NCBP3: variants seen among roughly 807,000 people sequenced by gnomAD.
NCBP3 encodes the protein nuclear cap-binding protein subunit 3.
Under a neutral mutation model 75.7 loss-of-function variants are expected in NCBP3, and 20 were observed. That is an observed-to-expected ratio of 0.26 (90% CI 0.19 to 0.38). NCBP3 has a LOEUF of 0.38. Ranked by LOEUF, NCBP3 falls within the 10% of genes least tolerant of loss-of-function variation. The pLI is 1.00. For synonymous variants in NCBP3, 293 were observed against 290.5 expected, an observed-to-expected ratio of 1.01 and a Z score of -0.09; for missense variants, 678 against 796.9, an observed-to-expected ratio of 0.85 and a Z score of 1.80.
intron 2 of NCBP3, among the ~76,000 whole-genome samples, chr17:3,842,540 T>C (rs1045508717): frequency 1.2e-4 from 19 of 152,326 alleles, no homozygotes; most frequent in South Asian, 8.3e-4. Flanking sequence ...TCCCCCGTCT[T>C]GGACATTTTC....
chr17:3,826,119 C>G lies in NCBP3; in HGVS notation c.578G>C (p.Ser193Thr), dbSNP rs775156033. ...AQDKIRSRDA[S>T]EDKSAEKRKK... ...CCTTTTCTCAGCTGACTTGTCCTCACTGGCATCCCTGCTTCTGATCTTATC... is the reference window on the plus strand; with the variant it reads ...CCTTTTCTCAGCTGACTTGTCCTCAGTGGCATCCCTGCTTCTGATCTTATC... Residue 193 changes from serine (S) to threonine (T), a missense_variant, in exon 5 of 13, where the codon AGT becomes ACT. Ser to Thr is a moderately conservative substitution (Grantham distance 58). This residue lies in a region of NCBP3 where 98 missense variants were observed against 101.8 expected (regional missense o/e 0.96). Coordinates refer to ENST00000389005, the MANE Select transcript of NCBP3 (RefSeq NM_001114118.3). 4 of 1,551,516 alleles carry G rather than the reference C, an allele frequency of 2.6e-6. No individual in the cohort carries two copies. The African/African-American group carries it at 4.1e-5, about 16-fold the overall frequency.
At chr17:3,821,382 CA>C in intron 8 of NCBP3, 30 bp from the exon 9 acceptor site, 2 of 1,544,804 alleles carry the variant, frequency 1.3e-6, no homozygotes, top group Non-Finnish European at 1.8e-6. Context: ...AGCACACAAT[CA>C]AAAACTGATA....
At chr17:3,814,204 C>T in intron 12 of NCBP3, 118 bp downstream of exon 12, 1 of 990,480 alleles carries the variant, frequency 1.0e-6, no homozygotes, top group Non-Finnish European at 1.5e-6. Context: ...AAGGAATAAT[C>T]ACTTATATTT....
chr17:3,812,904 G>C lies in NCBP3; in HGVS notation c.*140C>G. On this transcript the variant is annotated 3_prime_UTR_variant, in exon 13 of 13. Transcript: ENST00000389005. ...ATGTGTCACATTCTTAAGATGTCTT[G>C]CCGAAGTAGCAAGAGCGGAGGGTGA... 6.8e-7 allele frequency: 1 copy of C among 1,468,250 alleles called. No individual in the cohort carries two copies. 91.0% of individuals were successfully genotyped at this position (1,468,250 alleles called of 1,614,324 possible).
At chr17:3,826,874 G>A (rs1234937103) in intron 4 of NCBP3, among the ~76,000 whole-genome samples, 4 of 151,862 alleles carry the variant, frequency 2.6e-5, no homozygotes, top group Non-Finnish European at 5.9e-5. Flanking sequence ...TTAGCCGGGC[G>A]TGGTGGCGGG....
intron 3 of NCBP3, among the ~76,000 whole-genome samples, chr17:3,839,692 C>T (rs1271723370): frequency 2.6e-5 from 4 of 152,160 alleles, no homozygotes; most frequent in Non-Finnish European, 4.4e-5. Flanking sequence ...CTTTTCCCCA[C>T]CAATCTCAAA....
Position 3,814,370 on chromosome 17 carries a change from T to C in NCBP3, c.1579A>G (p.Arg527Gly). The C allele has an allele frequency of 7.4e-6, 12 of 1,614,234 alleles. No individual in the cohort carries two copies. Among genetic ancestry groups the C allele is most frequent in the Non-Finnish European group, 1.0e-5 (12 of 1,180,026 alleles). ...GCGTAGAGGCCTTTACTATCCTGCC[T>C]GGGAACACCTAGCCTACTATGCACA... Reference protein sequence around the residue: ...SDVHSRLGVPRQDSKGLYADT... With the variant: ...SDVHSRLGVPGQDSKGLYADT... The change falls in exon 12 of 13, where the codon AGG becomes GGG. Residue 527 changes from arginine to glycine, a missense_variant. Arg to Gly is a moderately radical substitution (Grantham distance 125). This residue lies in a region of NCBP3 where 365 missense variants were observed against 392.7 expected (regional missense o/e 0.93). Coordinates refer to ENST00000389005, the MANE Select transcript of NCBP3 (RefSeq NM_001114118.3).
chr17:3,833,769 G>C (rs1185766400), intron 3 of NCBP3, among the ~76,000 whole-genome samples: 2 of 152,062 alleles, frequency 1.3e-5, no homozygotes, highest in African/African-American at 4.8e-5. Context: ...ACAATGTTAT[G>C]ATGCTCTTGA....
chr17:3,823,401 T>A (rs1278694855), intron 7 of NCBP3, among the ~76,000 whole-genome samples: 1 of 152,036 alleles, frequency 6.6e-6, no homozygotes. Context: ...GATAACCCAC[T>A]GAATAAAGAA....
chr17:3,807,392 CTATTTAATGAGATTTTTT>C lies in NCBP3; in HGVS notation c.*5634_*5651del, dbSNP rs544645041. 7.2e-5 allele frequency: 11 copies of C among 151,752 alleles called. No homozygotes were observed. Among genetic ancestry groups the C allele is most frequent in the Middle Eastern group, 6.8e-3 (2 of 294 alleles). 9.4% of individuals were successfully genotyped at this position (151,752 alleles called of 1,614,324 possible). On this transcript the variant is annotated 3_prime_UTR_variant, in exon 13 of 13. Transcript: ENST00000389005. ...ATCAAAATTTGAAGTTTACTCAGGT[CTATTTAATGAGATTTTTT>C]TTTCTTATACAACCATATGCACTTC...
At position 3,832,523 on chromosome 17, in the gene NCBP3, C is replaced by G. The variant is rs374332802; in HGVS notation, c.356-3155G>C. ...GCAGGCACCTGTAGTCCCAGCTACTCGGGAGGCTGAGGCAGGAGAATCACT... is the reference window on the plus strand; with the variant it reads ...GCAGGCACCTGTAGTCCCAGCTACTGGGGAGGCTGAGGCAGGAGAATCACT... On this transcript the variant is annotated intron_variant, in intron 3 of 12. Coordinates refer to ENST00000389005, the MANE Select transcript of NCBP3 (RefSeq NM_001114118.3). 8.9e-5 allele frequency among the ~76,000 whole-genome samples: 6 copies of G among 67,398 alleles called. 2 individuals are homozygous for G. Among genetic ancestry groups the G allele is most frequent in the Admixed American group, 1.5e-4 (1 of 6,560 alleles). 44.2% of individuals were successfully genotyped at this position (67,398 alleles called of 152,430 possible). A position where few individuals can be genotyped will look rare whatever the true frequency, so the allele number is the denominator to read the frequency against.
chr17:3,828,336 G>A (rs1046818015), intron 4 of NCBP3, among the ~76,000 whole-genome samples: 12 of 152,316 alleles, frequency 7.9e-5, no homozygotes, highest in African/African-American at 1.9e-4. Flanking sequence ...GACAGAGACC[G>A]TTAAGCCTAC....
chr17:3,830,461 G>T (rs72825450), intron 3 of NCBP3, among the ~76,000 whole-genome samples: 2,736 of 152,180 alleles, frequency 0.018, 28 homozygotes, highest in Middle Eastern at 0.034. Context: ...TTTACTAAGG[G>T]TACATATTTA....
chr17:3,836,527 C>A lies in NCBP3; in HGVS notation c.355+3573G>T, dbSNP rs2053974211. Among the ~76,000 whole-genome samples the A allele has an allele frequency of 2.6e-5, 4 of 151,482 alleles. No homozygotes were observed. In the South Asian group the frequency reaches 8.3e-4, roughly 31 times the overall value. ...AATTGGCTGGCCGTGGTGGCAGGTG[C>A]CTGTAATCCCAGCTACTCAGGAAGC... On this transcript the variant is annotated intron_variant, in intron 3 of 12. Transcript: ENST00000389005.
intron 9 of NCBP3, among the ~76,000 whole-genome samples, chr17:3,820,585 T>A (rs998556995): frequency 1.9e-4 from 29 of 152,238 alleles, no homozygotes; most frequent in African/African-American, 7.0e-4. Flanking sequence ...CAGCAGCCTA[T>A]TTTTAATACA....
In NCBP3 at chr17:3,821,271, C is replaced by G. The variant is rs774480417; in HGVS notation, c.978G>C (p.Thr326=). 3.1e-6 allele frequency: 5 copies of G among 1,613,742 alleles called. No individual in the cohort carries two copies. Among genetic ancestry groups the G allele is most frequent in the Non-Finnish European group, 4.2e-6 (5 of 1,179,816 alleles). Residue 326 remains threonine (T), a synonymous_variant, in exon 9 of 13, where the codon ACG becomes ACC. Transcript: ENST00000389005. ...TACCAGAATGTCGATGTTTATACGA[C>G]GTCAAGCCAACGTCATCCCCAATCA... ...RALIGDDVGL[T]SYKHRHSGLV...
chr17:3,824,343 TACACAC>T (rs796417322), intron 7 of NCBP3: 1 of 141,316 alleles, frequency 7.1e-6, no homozygotes, highest in Non-Finnish European at 1.5e-5. Flanking sequence ...CATACATACA[TACACAC>T]ACACATACAC....
intron 3 of NCBP3, among the ~76,000 whole-genome samples, chr17:3,833,234 C>T (rs1177368464): frequency 1.3e-5 from 2 of 152,134 alleles, no homozygotes; most frequent in African/African-American, 2.4e-5. Context: ...GCCTGGGCAA[C>T]AGAGTAAGAC....
Position 3,843,293 on chromosome 17 carries a change from C to T in NCBP3, c.184-142G>A, listed in dbSNP as rs559097056. ...CAGTGTCTTGCTCTGTTGCCCAGGCCGGAGTGCAGTAGAATGATCACAGCT... is the reference window on the plus strand; with the variant it reads ...CAGTGTCTTGCTCTGTTGCCCAGGCTGGAGTGCAGTAGAATGATCACAGCT... On this transcript the variant is annotated intron_variant, in intron 1 of 12. Coordinates refer to ENST00000389005, the MANE Select transcript of NCBP3 (RefSeq NM_001114118.3). 16 of 667,438 alleles carry T rather than the reference C, an allele frequency of 2.4e-5. No homozygotes were observed. In the East Asian group the frequency reaches 3.3e-4, roughly 14 times the overall value. The allele number at this position is 667,438 out of a possible 1,614,324, so 41.3% of individuals were successfully genotyped here.
Sources: allele counts gnomAD v4.1 joint callset (sites outside exome capture counted in the v4.1 genomes callset), GRCh38; gene constraint gnomAD v4.1.1; regional missense constraint gnomAD v4.1.1; transcripts MANE v1.5; gene names NCBI Gene and HGNC (gene_info 2026-07-23, HGNC 2026-07-21).